Variants in ZNF875 observed in about 807,000 individuals in gnomAD.
ZNF875 encodes the protein HKR1, GLI-Kruppel zinc finger family member.
In ZNF875, 14 loss-of-function variants were observed where a neutral mutation model predicts 11.2. The ratio of observed to expected loss-of-function variants is 1.26; its 90% CI spans 0.83 to 1.96. The LOEUF is 1.96. ZNF875 is among the 30% of genes most tolerant of loss of function. The probability of loss-of-function intolerance (pLI) is 0.00; values close to 1 mark genes in which losing one functional copy is unlikely to be tolerated. For missense variants in ZNF875, 752 were observed against 760.4 expected, an observed-to-expected ratio of 0.99 and a Z score of 0.13; for synonymous variants, 301 against 281.1, an observed-to-expected ratio of 1.07 and a Z score of -0.71.
chr19:37,342,598 G>A (rs536686431), intron 2 of ZNF875, among the ~76,000 whole-genome samples: 1 of 152,080 alleles, frequency 6.6e-6, no homozygotes, highest in East Asian at 1.9e-4. Context: ...TTTTAGTAGA[G>A]ACGGGGTTTC....
intron 4 of ZNF875, among the ~76,000 whole-genome samples, chr19:37,352,127 G>C (rs900189220): frequency 6.6e-6 from 1 of 151,872 alleles, no homozygotes; most frequent in African/African-American, 2.4e-5. Flanking sequence ...TCTTCTTATT[G>C]ACCTTTTTAT....
At chr19:37,317,310 C>G (rs541541776), upstream of ZNF875, among the ~76,000 whole-genome samples, 2 of 149,620 alleles carry the variant, frequency 1.3e-5, no homozygotes, top group East Asian at 4.0e-4. Context: ...CTCAGCCTCT[C>G]CGAGTAGCTG....
At position 37,347,137 on chromosome 19, in the gene ZNF875, G is replaced by A. The variant is rs900732670; in HGVS notation, c.34-53G>A. 6 of 1,611,926 alleles carry A rather than the reference G, an allele frequency of 3.7e-6. No individual in the cohort carries two copies. In the South Asian group the frequency reaches 5.5e-5, roughly 15 times the overall value. ...TGGCCTTGACCTCTCATTCTAAAGT[G>A]TGGGAGGGAAAGACAGGCTCCTGGG... On this transcript the variant is annotated intron_variant, in intron 2 of 4. Transcript: ENST00000392153.
chr19:37,318,561 GC>G (rs1365914531), intron 1 of ZNF875, among the ~76,000 whole-genome samples: 2 of 147,718 alleles, frequency 1.4e-5, no homozygotes, highest in African/African-American at 5.0e-5. Flanking sequence ...TCGCTCTGTC[GC>G]CCAGGCTGGA....
At chr19:37,348,084 C>T (rs1192033061) in intron 4 of ZNF875, among the ~76,000 whole-genome samples, 1 of 152,138 alleles carries the variant, frequency 6.6e-6, no homozygotes, top group Admixed American at 6.5e-5. Context: ...AGGAAGCCTC[C>T]CTTCCTCATT....
Position 37,362,758 on chromosome 19 carries a change from G to A in ZNF875, c.906G>A (p.Arg302=), listed in dbSNP as rs780131454. Residue 302 remains arginine, a synonymous_variant, in exon 5 of 5, where the codon AGG becomes AGA. Coordinates refer to ENST00000392153, the MANE Select transcript of ZNF875 (RefSeq NM_001353803.2). ...AGTCAAACCTGATCACACATCAGAG[G>A]ACACACTCAGGGGAGAAACCTTATG... is the stretch of plus-strand genomic sequence containing the variant. ...TWKSNLITHQ[R]THSGEKPYVC... The A allele has an allele frequency of 3.1e-5, 50 of 1,613,812 alleles. No homozygotes were observed. Among genetic ancestry groups the A allele is most frequent in the Admixed American group, 6.7e-5 (4 of 60,002 alleles).
At chr19:37,338,410 A>G (rs775107234) in intron 2 of ZNF875, among the ~76,000 whole-genome samples, 4 of 152,204 alleles carry the variant, frequency 2.6e-5, no homozygotes, top group African/African-American at 7.2e-5. Context: ...GGTGTGAGCC[A>G]CTGCACCCAG....
chr19:37,357,098 T>C (rs2039040622), intron 4 of ZNF875, among the ~76,000 whole-genome samples: 1 of 152,186 alleles, frequency 6.6e-6, no homozygotes, highest in Non-Finnish European at 1.5e-5. Flanking sequence ...CCATTGTTTA[T>C]TTCTGTCAGC....
chr19:37,334,308 G>C (rs926995980), upstream of ZNF875, among the ~76,000 whole-genome samples: 1 of 152,196 alleles, frequency 6.6e-6, no homozygotes. Flanking sequence ...GCGGAGACTT[G>C]CGTAGTGAGC....
chr19:37,363,412 C>T lies in ZNF875; in HGVS notation c.1560C>T (p.Thr520=), dbSNP rs2040307698. ...GACGAGGCTTTAATGATAAGTCCAC[C>T]CTCATTTCACACCAGAGGACACATT... is the stretch of plus-strand genomic sequence containing the variant. ...ECGRGFNDKS[T]LISHQRTHSG... Residue 520 remains threonine (T), a synonymous_variant, in exon 5 of 5, where the codon ACC becomes ACT. Coordinates refer to ENST00000392153, the MANE Select transcript of ZNF875 (RefSeq NM_001353803.2). The T allele has an allele frequency of 1.2e-6, 2 of 1,614,002 alleles. No individual in the cohort carries two copies. The highest frequency in any genetic ancestry group is 1.3e-5 in the African/African-American group (1 of 74,984).
At chr19:37,353,596 C>T (rs1222620625) in intron 4 of ZNF875, among the ~76,000 whole-genome samples, 4 of 152,196 alleles carry the variant, frequency 2.6e-5, no homozygotes. Flanking sequence ...ACATTTAGTA[C>T]AGTTACCTGG....
At chr19:37,317,725 C>G (rs2030333606), upstream of ZNF875, among the ~76,000 whole-genome samples, 1 of 152,368 alleles carries the variant, frequency 6.6e-6, no homozygotes, top group Admixed American at 6.5e-5. Flanking sequence ...TTCTTATTGG[C>G]TAATGTGGAG....
At chr19:37,335,406 A>AGC in intron 2 of ZNF875, 149 bp downstream of exon 2, 1 of 540,374 alleles carries the variant, frequency 1.9e-6, no homozygotes, top group Non-Finnish European at 3.4e-6. Context: ...ATTTTGATAT[A>AGC]GTCTTGTAGA....
intron 4 of ZNF875, among the ~76,000 whole-genome samples, chr19:37,348,213 C>G (rs952776006): frequency 3.3e-5 from 5 of 152,234 alleles, no homozygotes; most frequent in African/African-American, 1.2e-4. Context: ...TTTCTAGCTA[C>G]TCTTATGCTA....
At chr19:37,321,925 A>C (rs758057325) in intron 1 of ZNF875, among the ~76,000 whole-genome samples, 2 of 152,150 alleles carry the variant, frequency 1.3e-5, no homozygotes, top group Non-Finnish European at 2.9e-5. Context: ...TTTCTAAGTA[A>C]TTGGTCTCCT....
chr19:37,355,488 TGTAA>T (rs2038747506), intron 4 of ZNF875, among the ~76,000 whole-genome samples: 1 of 152,186 alleles, frequency 6.6e-6, no homozygotes, highest in Admixed American at 6.5e-5. Flanking sequence ...ACCCCCGGCC[TGTAA>T]GTGTTTGTTT....
intron 4 of ZNF875, among the ~76,000 whole-genome samples, chr19:37,355,396 G>C (rs2038724449): frequency 1.3e-5 from 2 of 152,178 alleles, no homozygotes; most frequent in African/African-American, 4.8e-5. Flanking sequence ...CACCATGTTA[G>C]TCAGGCTGGT....
intron 4 of ZNF875, among the ~76,000 whole-genome samples, chr19:37,351,959 C>T (rs1045554293): frequency 3.3e-5 from 5 of 152,064 alleles, no homozygotes; most frequent in Admixed American, 2.6e-4. Context: ...GATTGATATC[C>T]TTACTGAGTT....
Position 37,363,662 on chromosome 19 carries a change from A to G in ZNF875, c.1810A>G (p.Ile604Val), listed in dbSNP as rs2040363273. 2.5e-6 allele frequency: 4 copies of G among 1,613,678 alleles called. No individual in the cohort carries two copies. Among genetic ancestry groups the G allele is most frequent in the Non-Finnish European group, 3.4e-6 (4 of 1,179,694 alleles). ...GQGFSRQSHL[I>V]RHQRTHSGEK... ...AGGCTTTAGCCGGCAGTCACACCTC[A>G]TTAGACACCAGAGGACACATTCAGG... The change falls in exon 5 of 5, where the codon ATT becomes GTT. Residue 604 changes from isoleucine (I) to valine (V), a missense_variant. Coordinates refer to ENST00000392153, the MANE Select transcript of ZNF875 (RefSeq NM_001353803.2).
Sources: gnomAD v4.1 joint callset for allele counts (sites outside exome capture counted in the v4.1 genomes callset) on GRCh38, gnomAD v4.1.1 for gene constraint, MANE v1.5 for transcripts, NCBI Gene and HGNC (gene_info 2026-07-23, HGNC 2026-07-21) for gene names.